Variants in ZCCHC14 observed in about 807,000 individuals in gnomAD.
The protein encoded by ZCCHC14 is zinc finger CCHC domain-containing protein 14.
In ZCCHC14, 16 loss-of-function variants were observed where a neutral mutation model predicts 85.0. The observed-to-expected ratio is 0.19, with a 90% CI of 0.13 to 0.29. The LOEUF is 0.29. Among genes scored for constraint, ZCCHC14 ranks in the 10% least tolerant of loss-of-function variants. ZCCHC14 has a pLI of 1.00. For synonymous variants in ZCCHC14, 775 were observed against 630.7 expected, an observed-to-expected ratio of 1.23 and a Z score of -3.43; for missense variants, 1,303 against 1,443.5, an observed-to-expected ratio of 0.90 and a Z score of 1.58.
intron 7 of ZCCHC14, 111 bp from the exon 8 acceptor site, chr16:87,417,853 G>C (rs1473418098): frequency 7.4e-7 from 1 of 1,349,786 alleles, no homozygotes; most frequent in Non-Finnish European, 9.8e-7. Flanking sequence ...CCTCTTGGCC[G>C]GCCCTGTTGT....
In ZCCHC14 at chr16:87,452,480, G is replaced by A. The variant is rs1295602237; in HGVS notation, c.694+7528C>T. ...GCTGCAGAACAGGCTTGGGTAAGAC[G>A]GCTCAGGCAAAGCGTAAAGTAGGGT... On this transcript the variant is annotated intron_variant, in intron 2 of 12. Transcript: ENST00000671377. 3.9e-5 allele frequency among the ~76,000 whole-genome samples: 6 copies of A among 152,032 alleles called. No individual in the cohort carries two copies. In the South Asian group the frequency reaches 6.2e-4, roughly 16 times the overall value.
chr16:87,456,791 T>C (rs1180245621), intron 2 of ZCCHC14, among the ~76,000 whole-genome samples: 1 of 152,192 alleles, frequency 6.6e-6, no homozygotes, highest in Non-Finnish European at 1.5e-5. Flanking sequence ...CACATAAACA[T>C]GGATTCTTTG....
chr16:87,456,032 C>A (rs754685287), intron 2 of ZCCHC14, among the ~76,000 whole-genome samples: 7 of 152,282 alleles, frequency 4.6e-5, no homozygotes, highest in Admixed American at 1.3e-4. Flanking sequence ...AGCATCTATG[C>A]GGTAAAATGG....
In ZCCHC14 at chr16:87,411,895, G is replaced by T. The variant is rs1231869906; in HGVS notation, c.2826C>A (p.Ser942Arg). The T allele has an allele frequency of 6.3e-7, 1 of 1,596,198 alleles. No homozygotes were observed. Among genetic ancestry groups the T allele is most frequent in the Non-Finnish European group, 8.5e-7 (1 of 1,172,826 alleles). The change falls in exon 12 of 13, where the codon AGC (serine) becomes AGA (arginine). Residue 942 changes from serine to arginine, a missense_variant. Ser to Arg is a moderately radical substitution (Grantham distance 110). This residue lies in a region of ZCCHC14 where 797 missense variants were observed against 730.8 expected (regional missense o/e 1.09). Coordinates refer to ENST00000671377, the MANE Select transcript of ZCCHC14 (RefSeq NM_015144.3). ...ACGGGTGCTGGAAGTAGTTGGCGTAGCTGACAGTCAGGCCACTCGAGCCGC... is the reference window on the plus strand; with the variant it reads ...ACGGGTGCTGGAAGTAGTTGGCGTATCTGACAGTCAGGCCACTCGAGCCGC... ...GSCGSSGLTV[S>R]YANYFQHPFS... is the part of the protein sequence containing the mutation.
rs753879024 is a variant in ZCCHC14, at chr16:87,411,952, A to G, written c.2769T>C (p.Ile923=). ...PQPAPPPPGC[I]VCTSCGCSGS... ...CGCTGCAGCCACAGGACGTGCACAC[A>G]ATGCAGCCTGGCGGGGGTGGGGCGG... is the stretch of plus-strand genomic sequence containing the variant. Residue 923 remains isoleucine, a synonymous_variant, in exon 12 of 13, where the codon ATT becomes ATC. Coordinates refer to ENST00000671377, the MANE Select transcript of ZCCHC14 (RefSeq NM_015144.3). The G allele has an allele frequency of 6.2e-7, 1 of 1,606,144 alleles. No homozygotes were observed. Among genetic ancestry groups the G allele is most frequent in the Admixed American group, 1.7e-5 (1 of 59,264 alleles).
Position 87,466,364 on chromosome 16 carries a change from G to A in ZCCHC14, c.571-6233C>T, listed in dbSNP as rs561292196. 7.9e-5 allele frequency among the ~76,000 whole-genome samples: 12 copies of A among 152,314 alleles called. No homozygotes were observed. The East Asian group carries it at 2.3e-3, about 29-fold the overall frequency. ...GAAGCACAGCCCCCCAACACTGACG[G>A]CAGCCTCGGTCTGCAGAAGACTCGC... is the stretch of plus-strand genomic sequence containing the variant. On this transcript the variant is annotated intron_variant, in intron 1 of 12. Coordinates refer to ENST00000671377, the MANE Select transcript of ZCCHC14 (RefSeq NM_015144.3).
At chr16:87,469,645 C>T (rs988193997) in intron 1 of ZCCHC14, among the ~76,000 whole-genome samples, 1 of 152,196 alleles carries the variant, frequency 6.6e-6, no homozygotes. Flanking sequence ...ATGTTAGTTG[C>T]TGTTATTATT....
In ZCCHC14 at chr16:87,491,545, G is replaced by A. The variant is rs1597190243; in HGVS notation, c.570+124C>T. On this transcript the variant is annotated intron_variant, in intron 1 of 12. Transcript: ENST00000671377. This position sits in a 1 kb window ranked among gnomAD's most constrained non-coding sequence, Gnocchi z 5.9. Reference sequence around the variant, plus strand: ...CTCGTGGTGCAGGTTGGAGACCTGGGTGGGAGCTCTCAGTGCAGGCTGGAG... The same window carrying A: ...CTCGTGGTGCAGGTTGGAGACCTGGATGGGAGCTCTCAGTGCAGGCTGGAG... 1 of 863,562 alleles carries A rather than the reference G, an allele frequency of 1.2e-6. No homozygotes were observed. The highest frequency in any genetic ancestry group is 2.6e-5 in the South Asian group (1 of 38,230). 53.5% of individuals were successfully genotyped at this position (863,562 alleles called of 1,614,324 possible). A position where few individuals can be genotyped will look rare whatever the true frequency, so the allele number is the denominator to read the frequency against.
chr16:87,417,443 C>A lies in ZCCHC14; in HGVS notation c.1383+17G>T. 1 of 1,610,068 alleles carries A rather than the reference C, an allele frequency of 6.2e-7. No individual in the cohort carries two copies. ...CAATCTAGCAATTCTGTACGGCCAG[C>A]CAGAAAACCGACATACCTTCTCCAT... On this transcript the variant is annotated intron_variant, in intron 8 of 12. Transcript: ENST00000671377.
chr16:87,419,423 C>T (rs946015639), intron 6 of ZCCHC14, among the ~76,000 whole-genome samples: 5 of 152,240 alleles, frequency 3.3e-5, no homozygotes, highest in Admixed American at 2.6e-4. Context: ...GCCTCAGCCT[C>T]CCAAGTAGCG....
Position 87,467,393 on chromosome 16 carries a change from T to C in ZCCHC14, c.571-7262A>G. On this transcript the variant is annotated intron_variant, in intron 1 of 12. Coordinates refer to ENST00000671377, the MANE Select transcript of ZCCHC14 (RefSeq NM_015144.3). The stretch of plus-strand genomic sequence containing the variant: ...TTAAGCAAGAGAAACTGGGCACAGT[T>C]TACTGTCAGGCAAGCTCTCCTGGAG... 1.9e-6 allele frequency: 3 copies of C among 1,600,774 alleles called. No homozygotes were observed. The South Asian group carries it at 3.3e-5, about 18-fold the overall frequency.
intron 2 of ZCCHC14, among the ~76,000 whole-genome samples, chr16:87,434,347 C>T (rs1459596034): frequency 1.3e-5 from 2 of 152,262 alleles, no homozygotes; most frequent in East Asian, 1.9e-4. Flanking sequence ...CTGCCCAACA[C>T]ACCCGGCTCT....
chr16:87,477,023 G>A (rs1324996617), intron 1 of ZCCHC14, among the ~76,000 whole-genome samples: 1 of 150,796 alleles, frequency 6.6e-6, no homozygotes, highest in Non-Finnish European at 1.5e-5. Context: ...TACTCAGGAG[G>A]CTGAGGCGGG....
chr16:87,464,403 G>C (rs942209056), intron 1 of ZCCHC14, among the ~76,000 whole-genome samples: 1 of 152,114 alleles, frequency 6.6e-6, no homozygotes, highest in Non-Finnish European at 1.5e-5. Flanking sequence ...AACCAACCAC[G>C]ACCCCAAGTC....
chr16:87,419,383 C>G (rs147359832), intron 6 of ZCCHC14, among the ~76,000 whole-genome samples: 2,642 of 152,344 alleles, frequency 0.017, 73 homozygotes, highest in African/African-American at 0.06. Context: ...TCACTGCAAC[C>G]ACCGCCTCCC....
intron 12 of ZCCHC14, chr16:87,411,283 C>G: frequency 7.7e-7 from 1 of 1,304,540 alleles, no homozygotes; most frequent in Non-Finnish European, 1.0e-6. Flanking sequence ...TCCACACTGG[C>G]TAAGCACCTT....
At chr16:87,443,753 A>G (rs534512419) in intron 2 of ZCCHC14, among the ~76,000 whole-genome samples, 2 of 150,582 alleles carry the variant, frequency 1.3e-5, no homozygotes, top group South Asian at 4.2e-4. Flanking sequence ...AAAAACCAAA[A>G]AAGCCAGGAG....
rs117086985 is a variant in ZCCHC14 at position 87,409,401 on chromosome 16, T to A, written c.*879A>T. 6.6e-6 allele frequency: 1 copy of A among 151,448 alleles called. No individual in the cohort carries two copies. Among genetic ancestry groups the A allele is most frequent in the Non-Finnish European group, 1.5e-5 (1 of 67,874 alleles). 9.4% of individuals were successfully genotyped at this position (151,448 alleles called of 1,614,324 possible). Reference sequence around the variant, plus strand: ...CACTCACAGAGCCGCGCTGTCGCCGTCCCCCCTCGAGAGGTCATTTGTAGT... The same window carrying A: ...CACTCACAGAGCCGCGCTGTCGCCGACCCCCCTCGAGAGGTCATTTGTAGT... On this transcript the variant is annotated 3_prime_UTR_variant, in exon 13 of 13. Transcript: ENST00000671377.
At chr16:87,415,402 G>C in intron 8 of ZCCHC14, 35 bp from the exon 9 acceptor site, 1 of 1,573,434 alleles carries the variant, frequency 6.4e-7, no homozygotes, top group Non-Finnish European at 8.7e-7. Flanking sequence ...AAGTTACGGA[G>C]ACATAAGTAG....
Sources: gnomAD v4.1 joint callset for allele counts (sites outside exome capture counted in the v4.1 genomes callset) on GRCh38, gnomAD v4.1.1 for gene constraint, gnomAD v4.1.1 regional missense constraint, Gnocchi (gnomAD v3.1) non-coding constraint, MANE v1.5 for transcripts, NCBI Gene and HGNC (gene_info 2026-07-23, HGNC 2026-07-21) for gene names.